The following GRID2 variants were observed in gnomAD, a reference collection of about 807,000 sequenced individuals.
GRID2 encodes glutamate ionotropic receptor delta type subunit 2, also known as glutamate receptor ionotropic, delta-2.
Under a neutral mutation model 114.8 loss-of-function variants are expected in GRID2, and 33 were observed. The observed-to-expected ratio is 0.29, with a 90% CI of 0.22 to 0.38. The LOEUF is 0.38. Among genes scored for constraint, GRID2 ranks in the 10% least tolerant of loss-of-function variants. GRID2 has a pLI of 1.00. For missense variants in GRID2, 1,184 were observed against 1,257.7 expected, an observed-to-expected ratio of 0.94 and a Z score of 0.89; for synonymous variants, 505 against 449.9, an observed-to-expected ratio of 1.12 and a Z score of -1.55.
chr4:93,577,819 ATAT>A (rs1359269288), intron 13 of GRID2, among the ~76,000 whole-genome samples: 1 of 152,220 alleles, frequency 6.6e-6, no homozygotes, highest in African/African-American at 2.4e-5. Context: ...AAAAGGCCTA[ATAT>A]TATTAGGAAG....
chr4:92,982,276 G>T (rs1444421243), intron 2 of GRID2, among the ~76,000 whole-genome samples: 1 of 151,894 alleles, frequency 6.6e-6, no homozygotes, highest in African/African-American at 2.4e-5. Flanking sequence ...ATAAACATGT[G>T]ATGTTGCAAA....
At chr4:93,189,814 CAA>C (rs1472160411) in intron 4 of GRID2, among the ~76,000 whole-genome samples, 2 of 123,800 alleles carry the variant, frequency 1.6e-5, no homozygotes, top group East Asian at 2.5e-4. Flanking sequence ...CACACACACA[CAA>C]ATCTCATCTT....
intron 2 of GRID2, among the ~76,000 whole-genome samples, chr4:92,673,774 G>C (rs993575781): frequency 1.3e-5 from 2 of 152,034 alleles, no homozygotes; most frequent in African/African-American, 4.8e-5. Context: ...ATTGAACAAT[G>C]AGAACACTTG....
At chr4:92,372,628 G>T (rs1290767294) in intron 1 of GRID2, among the ~76,000 whole-genome samples, 1 of 152,160 alleles carries the variant, frequency 6.6e-6, no homozygotes, top group Non-Finnish European at 1.5e-5. Context: ...TTGTGTGACT[G>T]ACTTTATTGT....
chr4:93,731,944 A>G (rs1036779106), intron 14 of GRID2, among the ~76,000 whole-genome samples: 4 of 152,194 alleles, frequency 2.6e-5, no homozygotes, highest in Admixed American at 6.5e-5. Context: ...CACAGAATCC[A>G]GCAAGGATAG....
At chr4:93,423,809 C>A (rs142765106) in intron 10 of GRID2, among the ~76,000 whole-genome samples, 1 of 152,046 alleles carries the variant, frequency 6.6e-6, no homozygotes, top group Non-Finnish European at 1.5e-5. Context: ...ATAATTATTA[C>A]ATTTTCCTGA....
chr4:92,931,123 A>G (rs1750199310), intron 2 of GRID2, among the ~76,000 whole-genome samples: 2 of 151,140 alleles, frequency 1.3e-5, no homozygotes, highest in Admixed American at 6.6e-5. Flanking sequence ...AAAATTCCAA[A>G]GTTGTATTCA....
At chr4:92,377,856 A>C (rs1453020333) in intron 1 of GRID2, among the ~76,000 whole-genome samples, 1 of 152,122 alleles carries the variant, frequency 6.6e-6, no homozygotes, top group Non-Finnish European at 1.5e-5. Flanking sequence ...CCTGTGATTC[A>C]GTTGCTTCCC....
intron 11 of GRID2, among the ~76,000 whole-genome samples, chr4:93,456,351 T>A (rs1228760455): frequency 6.6e-6 from 1 of 152,228 alleles, no homozygotes; most frequent in Non-Finnish European, 1.5e-5. Flanking sequence ...TATTTACATA[T>A]GTAAGAAATG....
intron 1 of GRID2, among the ~76,000 whole-genome samples, chr4:92,422,788 T>C (rs927817924): frequency 1.3e-5 from 2 of 152,138 alleles, no homozygotes; most frequent in African/African-American, 2.4e-5. Context: ...TGTGGCTAAT[T>C]TGTTAGTCCC....
At chr4:93,459,052 C>T (rs924026887) in intron 11 of GRID2, among the ~76,000 whole-genome samples, 5 of 151,694 alleles carry the variant, frequency 3.3e-5, no homozygotes, top group South Asian at 2.1e-4. Context: ...TGGTGGTGGG[C>T]GCCTGTAATC....
chr4:92,664,863 A>G (rs1373333351), intron 2 of GRID2, among the ~76,000 whole-genome samples: 1 of 150,972 alleles, frequency 6.6e-6, no homozygotes, highest in Non-Finnish European at 1.5e-5. Context: ...TCTTTTGGTT[A>G]CTATTTGTAT....
At chr4:92,998,564 ATT>A (rs1194261238) in intron 2 of GRID2, among the ~76,000 whole-genome samples, 1 of 151,882 alleles carries the variant, frequency 6.6e-6, no homozygotes, top group Non-Finnish European at 1.5e-5. Context: ...GAGGAAATTG[ATT>A]TTCTTTGGCA....
intron 2 of GRID2, among the ~76,000 whole-genome samples, chr4:92,770,937 A>G (rs1738511140): frequency 6.6e-6 from 1 of 152,098 alleles, no homozygotes; most frequent in Non-Finnish European, 1.5e-5. Context: ...TTTGTTATCT[A>G]TGACACTTAT....
chr4:92,364,465 T>TTA, intron 1 of GRID2, among the ~76,000 whole-genome samples: 1 of 152,244 alleles, frequency 6.6e-6, no homozygotes, highest in South Asian at 2.1e-4. Flanking sequence ...TGTGGAATAA[T>TTA]TATATCCAAT....
intron 2 of GRID2, among the ~76,000 whole-genome samples, chr4:92,873,771 A>G (rs535135943): frequency 3.5e-4 from 53 of 152,118 alleles, no homozygotes; most frequent in Admixed American, 1.0e-3. Flanking sequence ...CTGGAGTGCA[A>G]TGGCATGATC....
At position 92,710,983 on chromosome 4, in the gene GRID2, C is replaced by T. The variant is rs1239479421; in HGVS notation, c.244+120697C>T. Among the ~76,000 whole-genome samples the T allele has an allele frequency of 5.3e-5, 8 of 150,742 alleles. No homozygotes were observed. In the East Asian group the frequency reaches 7.8e-4, roughly 15 times the overall value. ...GGATAAAGAATAAACCTTATAGGAC[C>T]GGTTATTTATTATTTATAAATCTTA... On this transcript the variant is annotated intron_variant, in intron 2 of 15. Coordinates refer to ENST00000282020, the MANE Select transcript of GRID2 (RefSeq NM_001510.4).
rs527757973 is a variant in GRID2 at position 92,807,850 on chromosome 4, T to G, written c.244+217564T>G. Among the ~76,000 whole-genome samples, 224 of 152,168 alleles carry G rather than the reference T, an allele frequency of 1.5e-3. 1 individual carries two copies. The highest frequency in any genetic ancestry group is 5.0e-3 in the African/African-American group (209 of 41,564). On this transcript the variant is annotated intron_variant, in intron 2 of 15. Transcript: ENST00000282020. ...GTATGTGTCTGTCTATGTATTATTTTGTGGAAATCAGCTTAAATGAACATT... is the reference window on the plus strand; with the variant it reads ...GTATGTGTCTGTCTATGTATTATTTGGTGGAAATCAGCTTAAATGAACATT...
chr4:92,964,610 C>T (rs1164705394), intron 2 of GRID2, among the ~76,000 whole-genome samples: 1 of 152,018 alleles, frequency 6.6e-6, no homozygotes, highest in African/African-American at 2.4e-5. Flanking sequence ...GCTAGATCTT[C>T]TGAATAACTT....
Sources: allele counts gnomAD v4.1 joint callset (sites outside exome capture counted in the v4.1 genomes callset), GRCh38; gene constraint gnomAD v4.1.1; transcripts MANE v1.5; gene names NCBI Gene and HGNC (gene_info 2026-07-23, HGNC 2026-07-21).